Variants in DHX33 observed in about 807,000 individuals in gnomAD.
DHX33 encodes DEAH-box helicase 33.
A neutral mutation model predicts 72.5 loss-of-function variants in DHX33; 42 were observed. The observed-to-expected ratio is 0.58, with a 90% confidence interval of 0.45 to 0.75. The LOEUF (loss-of-function observed/expected upper bound fraction) is 0.75. DHX33 is among the 30% of genes least tolerant of loss of function. The pLI, the probability that DHX33 is intolerant of heterozygous loss-of-function variation, is 0.00. For missense variants in DHX33, 842 were observed against 917.5 expected, an observed-to-expected ratio of 0.92 and a Z score of 1.06; for synonymous variants, 358 against 366.1, an observed-to-expected ratio of 0.98 and a Z score of 0.25.
chr17:5,445,812 G>A (rs1471672786), intron 11 of DHX33, among the ~76,000 whole-genome samples: 1 of 152,200 alleles, frequency 6.6e-6, no homozygotes, highest in African/African-American at 2.4e-5. Flanking sequence ...TCCAGAGAAA[G>A]TGGCGGGCCT....
intron 11 of DHX33, among the ~76,000 whole-genome samples, chr17:5,445,884 T>TA (rs1476388625): frequency 3.9e-4 from 60 of 152,334 alleles, no homozygotes; most frequent in African/African-American, 1.4e-3. Context: ...TTCTCAGAGA[T>TA]ACCTTTCCAT....
In DHX33 at chr17:5,455,151, A is replaced by C. The variant is rs1175524105; in HGVS notation, c.1147+9T>G. 6.2e-7 allele frequency: 1 copy of C among 1,609,254 alleles called. No individual in the cohort carries two copies. The highest frequency in any genetic ancestry group is 1.1e-5 in the South Asian group (1 of 90,980). ...ACAGGAGAGACATTCATGAACTACA[A>C]ATTCTCACCAGGGTTATACTTCTTT... On this transcript the variant is annotated intron_variant, in intron 6 of 11. Coordinates refer to ENST00000225296, the MANE Select transcript of DHX33 (RefSeq NM_020162.4).
intron 1 of DHX33, 54 bp from the exon 2 acceptor site, chr17:5,463,743 C>T (rs571680316): frequency 5.9e-6 from 9 of 1,514,194 alleles, no homozygotes; most frequent in Admixed American, 4.4e-5. Context: ...AACTGGGGCT[C>T]GGCACCAGGG....
intron 3 of DHX33, 43 bp downstream of exon 3, chr17:5,462,276 G>A: frequency 1.9e-6 from 3 of 1,573,558 alleles, no homozygotes; most frequent in Non-Finnish European, 1.7e-6. Flanking sequence ...CATACTTTCA[G>A]GGGAAGTTTC....
chr17:5,459,523 A>G (rs1247800095), intron 4 of DHX33, among the ~76,000 whole-genome samples: 2 of 151,970 alleles, frequency 1.3e-5, no homozygotes, highest in Non-Finnish European at 2.9e-5. Context: ...TTAATCTTCC[A>G]GGCTTAAGTG....
At chr17:5,447,279 A>G (rs1916692758) in intron 11 of DHX33, among the ~76,000 whole-genome samples, 1 of 152,224 alleles carries the variant, frequency 6.6e-6, no homozygotes, top group Admixed American at 6.5e-5. Flanking sequence ...GCACTTTGGG[A>G]GGCCAAGGCC....
rs924759079 is a variant in DHX33, at chr17:5,443,863, T to C, written c.*342A>G. The C allele has an allele frequency of 6.0e-5, 15 of 249,088 alleles. No homozygotes were observed. Among genetic ancestry groups the C allele is most frequent in the Non-Finnish European group, 9.4e-5 (12 of 128,056 alleles). The allele number at this position is 249,088 out of a possible 1,614,324, so 15.4% of individuals were successfully genotyped here. On this transcript the variant is annotated 3_prime_UTR_variant, in exon 12 of 12. Coordinates refer to ENST00000225296, the MANE Select transcript of DHX33 (RefSeq NM_020162.4). ...GCTCCAGGCATAGTTCTGGGTACTT[T>C]CCATTCCTTTTCTCTAAACTTTATG...
chr17:5,455,290 C>A lies in DHX33; in HGVS notation c.1036-19G>T, dbSNP rs1289507200. ...GATAGCCCTAAAAGGAGGAAGAAAA[C>A]CAAAAAGCCGCATTGACACACGGAT... On this transcript the variant is annotated intron_variant, in intron 5 of 11. Transcript: ENST00000225296. The A allele has an allele frequency of 6.2e-7, 1 of 1,604,034 alleles. No individual in the cohort carries two copies. Among genetic ancestry groups the A allele is most frequent in the East Asian group, 2.2e-5 (1 of 44,840 alleles).
chr17:5,460,236 G>C (rs1158513428), intron 4 of DHX33, among the ~76,000 whole-genome samples: 1 of 151,102 alleles, frequency 6.6e-6, no homozygotes, highest in Admixed American at 6.6e-5. Flanking sequence ...GGAGGGTCTC[G>C]ATCTCCTGAC....
chr17:5,447,552 A>AG (rs1296500578), intron 11 of DHX33, among the ~76,000 whole-genome samples: 1 of 151,934 alleles, frequency 6.6e-6, no homozygotes, highest in African/African-American at 2.4e-5. Context: ...TGAACACGGG[A>AG]GGCAGAGGTT....
At chr17:5,450,528 C>T in intron 9 of DHX33, 122 bp from the exon 10 acceptor site, 1 of 1,098,698 alleles carries the variant, frequency 9.1e-7, no homozygotes, top group South Asian at 1.5e-5. Flanking sequence ...ATTTCTAAAA[C>T]CATGGCGATG....
chr17:5,462,194 C>CCACCCAGCA (rs1904669677), intron 3 of DHX33, 125 bp downstream of exon 3: 1 of 835,986 alleles, frequency 1.2e-6, no homozygotes, highest in Non-Finnish European at 1.8e-6. Context: ...CCGGCCTTGG[C>CCACCCAGCA]CTCCCAAAGT....
Position 5,444,143 on chromosome 17 carries a change from G to C in DHX33, c.*62C>G. On this transcript the variant is annotated 3_prime_UTR_variant, in exon 12 of 12. Coordinates refer to ENST00000225296, the MANE Select transcript of DHX33 (RefSeq NM_020162.4). This position sits in a 1 kb window ranked among gnomAD's most constrained non-coding sequence, Gnocchi z 4.9. ...CTAAGCGCCAACCTGGAAGCCTGCT[G>C]TAAGGACAACTGTAGTCCAAGCTCC... is the stretch of plus-strand genomic sequence containing the variant. 1 of 1,548,800 alleles carries C rather than the reference G, an allele frequency of 6.5e-7. No individual in the cohort carries two copies. Among genetic ancestry groups the C allele is most frequent in the Non-Finnish European group, 8.7e-7 (1 of 1,144,298 alleles).
Position 5,442,250 on chromosome 17 carries a change from ATTTTTTTTTTTTTT to A in DHX33, c.*1941_*1954del, listed in dbSNP as rs377645589. On this transcript the variant is annotated 3_prime_UTR_variant, in exon 12 of 12. Transcript: ENST00000225296. ...AGCCACTGCGCCCGGCCACCCCCCA[ATTTTTTTTTTTTTT>A]TTTTTTTTTTTACCAGCACTATGAA... 8.2e-6 allele frequency: 1 copy of A among 121,822 alleles called. No homozygotes were observed. The highest frequency in any genetic ancestry group is 1.7e-5 in the Non-Finnish European group (1 of 58,566). The allele number at this position is 121,822 out of a possible 1,614,324, so 7.5% of individuals were successfully genotyped here.
chr17:5,455,887 G>A, intron 5 of DHX33, 110 bp downstream of exon 5: 1 of 1,206,714 alleles, frequency 8.3e-7, no homozygotes, highest in East Asian at 2.6e-5. Context: ...TGGCACCTGG[G>A]TATCCCATCC....
At position 5,449,654 on chromosome 17, in the gene DHX33, C is replaced by A. The variant is rs1440853900; in HGVS notation, c.1728+549G>T. Among the ~76,000 whole-genome samples the A allele has an allele frequency of 3.3e-5, 5 of 152,328 alleles. No individual in the cohort carries two copies. The East Asian group carries it at 7.7e-4, about 23-fold the overall frequency. ...GTTTTGCCATGTTGGCCAGGCTGGT[C>A]TGGAAGTCCTGGGCTCAAGTGATCC... On this transcript the variant is annotated intron_variant, in intron 10 of 11. Transcript: ENST00000225296.
intron 4 of DHX33, among the ~76,000 whole-genome samples, chr17:5,458,566 A>G (rs373502536): frequency 2.6e-5 from 4 of 152,264 alleles, no homozygotes; most frequent in African/African-American, 9.6e-5. Context: ...TGGGCAACAC[A>G]GCAAGATCCT....
At chr17:5,461,604 T>C (rs1401490575) in intron 3 of DHX33, among the ~76,000 whole-genome samples, 1 of 111,130 alleles carries the variant, frequency 9.0e-6, no homozygotes, top group Non-Finnish European at 1.7e-5. Flanking sequence ...GGTAACAGAG[T>C]GCAAAAAAAA....
At chr17:5,445,197 G>C (rs1023604686) in intron 11 of DHX33, among the ~76,000 whole-genome samples, 12 of 151,862 alleles carry the variant, frequency 7.9e-5, no homozygotes, top group African/African-American at 2.4e-4. Context: ...TCCTGCCCTA[G>C]CCTCCCAAGT....
Sources: gnomAD v4.1 joint callset for allele counts (sites outside exome capture counted in the v4.1 genomes callset) on GRCh38, gnomAD v4.1.1 for gene constraint, Gnocchi (gnomAD v3.1) non-coding constraint, MANE v1.5 for transcripts, NCBI Gene and HGNC (gene_info 2026-07-23, HGNC 2026-07-21) for gene names.